The following MLC1 variants were observed in gnomAD, a reference collection of about 807,000 sequenced individuals.
The protein encoded by MLC1 is membrane protein MLC1.
Under a neutral mutation model 44.7 loss-of-function variants are expected in MLC1, and 32 were observed. The ratio of observed to expected loss-of-function variants is 0.72; its 90% CI spans 0.54 to 0.96. The LOEUF is 0.96. MLC1 is among the 40% of genes least tolerant of loss of function. MLC1 has a pLI of 0.00. For synonymous variants in MLC1, 190 were observed against 213.0 expected, an observed-to-expected ratio of 0.89 and a Z score of 0.94; for missense variants, 459 against 492.2, an observed-to-expected ratio of 0.93 and a Z score of 0.64.
intron 7 of MLC1, among the ~76,000 whole-genome samples, chr22:50,075,309 C>G (rs2061953178): frequency 6.6e-6 from 1 of 152,184 alleles, no homozygotes; most frequent in Non-Finnish European, 1.5e-5. Flanking sequence ...CTGTGGCCAG[C>G]AGGAAAGCCA....
intron 11 of MLC1, among the ~76,000 whole-genome samples, chr22:50,063,250 G>A (rs529907427): frequency 8.2e-4 from 124 of 152,138 alleles, no homozygotes; most frequent in African/African-American, 2.8e-3. Context: ...CAAGGCAGGC[G>A]GATCATGAGG....
intron 10 of MLC1, among the ~76,000 whole-genome samples, chr22:50,067,529 G>A (rs1162618842): frequency 1.3e-5 from 1 of 78,488 alleles, no homozygotes; most frequent in Non-Finnish European, 2.3e-5. Context: ...CCCCCTGTCA[G>A]GCAGTGACTC....
chr22:50,080,827 C>A (rs1243284042), intron 3 of MLC1, among the ~76,000 whole-genome samples: 2 of 152,040 alleles, frequency 1.3e-5, no homozygotes, highest in Non-Finnish European at 2.9e-5. Flanking sequence ...CTCACGCAGG[C>A]ACAAGACCTG....
rs1485988142 is a variant in MLC1, at chr22:50,066,263, C to G, written c.895-2065G>C. On this transcript the variant is annotated intron_variant, in intron 10 of 11. Transcript: ENST00000311597. ...TCTGTAATCCCAGCACTTCGGGAGG[C>G]CAAGGTGGGCGGATCGCTTCAGCCC... Among the ~76,000 whole-genome samples, 4 of 152,162 alleles carry G rather than the reference C, an allele frequency of 2.6e-5. No homozygotes were observed. The East Asian group carries it at 7.7e-4, about 29-fold the overall frequency.
chr22:50,079,284 AAAAAC>A (rs139144031), intron 5 of MLC1, among the ~76,000 whole-genome samples: 6 of 151,454 alleles, frequency 4.0e-5, no homozygotes, highest in South Asian at 2.1e-4. Flanking sequence ...ATTCCTTCTC[AAAAAC>A]AAAACAAAAC....
At chr22:50,080,536 T>A in intron 3 of MLC1, 139 bp from the exon 4 acceptor site, 1 of 925,942 alleles carries the variant, frequency 1.1e-6, no homozygotes, top group Non-Finnish European at 1.7e-6. Flanking sequence ...ACACAGTGGG[T>A]TGGCTTGACT....
intron 9 of MLC1, among the ~76,000 whole-genome samples, chr22:50,070,174 C>T (rs1393156519): frequency 1.3e-5 from 2 of 152,160 alleles, no homozygotes; most frequent in Admixed American, 1.3e-4. Context: ...TGCACTCCAG[C>T]CTGGGGGACA....
At chr22:50,066,646 TG>T (rs903856434) in intron 10 of MLC1, among the ~76,000 whole-genome samples, 3 of 147,768 alleles carry the variant, frequency 2.0e-5, no homozygotes, top group African/African-American at 7.5e-5. Context: ...GGAGACAGAG[TG>T]AGACTCTATC....
intron 10 of MLC1, among the ~76,000 whole-genome samples, chr22:50,064,528 C>G (rs2061662565): frequency 6.6e-6 from 1 of 152,166 alleles, no homozygotes; most frequent in African/African-American, 2.4e-5. Context: ...AGGCTCAGTC[C>G]CAGAGCCAGA....
intron 7 of MLC1, among the ~76,000 whole-genome samples, chr22:50,075,138 C>T (rs56114327): frequency 6.7e-6 from 1 of 148,170 alleles, no homozygotes; most frequent in African/African-American, 2.5e-5. Context: ...AGGGAGGGGC[C>T]GCAACCAGCA....
chr22:50,063,643 G>A (rs1301431906), intron 11 of MLC1, among the ~76,000 whole-genome samples: 1 of 143,426 alleles, frequency 7.0e-6, no homozygotes, highest in Non-Finnish European at 1.5e-5. Context: ...CCTCCCCAGC[G>A]GGTGCTCCTG....
chr22:50,061,787 G>A (rs2061564351), intron 11 of MLC1, 130 bp from the exon 12 acceptor site: 1 of 820,348 alleles, frequency 1.2e-6, no homozygotes, highest in South Asian at 1.4e-5. Flanking sequence ...AAGGAAGTGG[G>A]GAAACTAACC....
At chr22:50,070,803 C>T (rs1048783354) in intron 8 of MLC1, among the ~76,000 whole-genome samples, 1 of 152,132 alleles carries the variant, frequency 6.6e-6, no homozygotes, top group Non-Finnish European at 1.5e-5. Flanking sequence ...GCTCTCTGTT[C>T]CTCAACCATT....
At chr22:50,079,599 C>T (rs1468873178) in intron 5 of MLC1, among the ~76,000 whole-genome samples, 1 of 147,548 alleles carries the variant, frequency 6.8e-6, no homozygotes, top group African/African-American at 2.5e-5. Flanking sequence ...CTGCCCCCTA[C>T]AATTTCACAT....
rs553120126 is a variant in MLC1, at chr22:50,083,754, C to T, written c.178-581G>A. Reference sequence around the variant, plus strand: ...GGCTCTCTCTCACGCACAGCACCCCCGGGGTGAGTCTGAGGGGAGTCAGTA... The same window carrying T: ...GGCTCTCTCTCACGCACAGCACCCCTGGGGTGAGTCTGAGGGGAGTCAGTA... On this transcript the variant is annotated intron_variant, in intron 2 of 11. Coordinates refer to ENST00000311597, the MANE Select transcript of MLC1 (RefSeq NM_015166.4). The surrounding 1 kb of genome is among the most constrained non-coding windows in gnomAD (Gnocchi z 4.6). 1.6e-4 allele frequency among the ~76,000 whole-genome samples: 24 copies of T among 152,188 alleles called. 2 individuals are homozygous for T. The South Asian group carries it at 4.6e-3, about 29-fold the overall frequency.
At chr22:50,069,077 A>C (rs1031747298) in intron 9 of MLC1, among the ~76,000 whole-genome samples, 2 of 151,148 alleles carry the variant, frequency 1.3e-5, no homozygotes, top group African/African-American at 4.9e-5. Flanking sequence ...CCCAGGCAGG[A>C]GTGCGGTGGC....
At chr22:50,080,426 T>G (rs1602052299) in intron 3 of MLC1, 29 bp from the exon 4 acceptor site, 1 of 1,587,974 alleles carries the variant, frequency 6.3e-7, no homozygotes, top group Non-Finnish European at 8.6e-7. Context: ...CCCATGAGCC[T>G]GCCGCTCACC....
intron 5 of MLC1, 82 bp from the exon 6 acceptor site, chr22:50,077,584 G>C: frequency 8.6e-7 from 1 of 1,166,470 alleles, no homozygotes; most frequent in Non-Finnish European, 1.3e-6. Context: ...ACCACCTCAC[G>C]GGCAGGCTGC....
In MLC1 at chr22:50,069,139, G is replaced by A. The variant is rs971793844; in HGVS notation, c.772-584C>T. On this transcript the variant is annotated intron_variant, in intron 9 of 11. Coordinates refer to ENST00000311597, the MANE Select transcript of MLC1 (RefSeq NM_015166.4). ...CCTCCTGGGTTCAAGCAATTCTCCC[G>A]CCTCGGCCTCTTGAGTAGCTGGGAT... 7.2e-5 allele frequency among the ~76,000 whole-genome samples: 11 copies of A among 151,962 alleles called. No homozygotes were observed. The East Asian group carries it at 1.4e-3, about 19-fold the overall frequency.
Sources: allele counts gnomAD v4.1 joint callset (sites outside exome capture counted in the v4.1 genomes callset), GRCh38; gene constraint gnomAD v4.1.1; non-coding constraint Gnocchi (gnomAD v3.1); transcripts MANE v1.5; gene names NCBI Gene and HGNC (gene_info 2026-07-23, HGNC 2026-07-21).